The following KPNA3 variants were observed in gnomAD, a reference collection of about 807,000 sequenced individuals.
KPNA3 encodes karyopherin subunit alpha 3, also known as importin subunit alpha-4.
KPNA3 carries 13 observed loss-of-function variants against 73.8 expected under a neutral mutation model. The ratio of observed to expected loss-of-function variants is 0.18; its 90% CI spans 0.11 to 0.28. The LOEUF is 0.28. Among genes scored for constraint, KPNA3 ranks in the 10% least tolerant of loss-of-function variants. The pLI is 1.00. For synonymous variants in KPNA3, 186 were observed against 206.9 expected, an observed-to-expected ratio of 0.90 and a Z score of 0.87; for missense variants, 360 against 618.1, an observed-to-expected ratio of 0.58 and a Z score of 4.43.
chr13:49,792,020 G>A (rs1254763735), intron 1 of KPNA3, among the ~76,000 whole-genome samples: 2 of 152,188 alleles, frequency 1.3e-5, no homozygotes, highest in Non-Finnish European at 2.9e-5. Flanking sequence ...GAGGCGCAGA[G>A]GGGGCTGCAC....
rs774834568 is a variant in KPNA3 at position 49,722,145 on chromosome 13, T to G, written c.557-21A>C. The G allele has an allele frequency of 8.8e-6, 13 of 1,476,656 alleles. No individual in the cohort carries two copies. In the East Asian group the frequency reaches 2.9e-4, roughly 33 times the overall value. The allele number at this position is 1,476,656 out of a possible 1,614,324, so 91.5% of individuals were successfully genotyped here. The stretch of plus-strand genomic sequence containing the variant: ...ATCACCTACAGAAATGAAAATTATA[T>G]TTAAAAAAAACTTACATTCAGGATG... On this transcript the variant is annotated intron_variant, in intron 8 of 16. Transcript: ENST00000261667.
intron 1 of KPNA3, among the ~76,000 whole-genome samples, chr13:49,769,909 ATTTG>A (rs1389743337): frequency 1.3e-5 from 2 of 152,130 alleles, no homozygotes; most frequent in South Asian, 2.1e-4. Context: ...CAATGCTATT[ATTTG>A]TTTGATTTTA....
intron 1 of KPNA3, among the ~76,000 whole-genome samples, chr13:49,789,541 T>C (rs9562927): frequency 0.86 from 130,350 of 152,140 alleles, 56,044 homozygotes; most frequent in East Asian, 1. Context: ...CATGTTTTAG[T>C]TTTTGTCTAT....
At position 49,792,479 on chromosome 13, in the gene KPNA3, G is replaced by C. The variant is rs1955043066; in HGVS notation, c.28C>G (p.His10Asp). Reference protein sequence around the residue: MAENPSLENHRIKSFKNKGR... With the variant: MAENPSLENDRIKSFKNKGR... Reference sequence around the variant, plus strand: ...TTGTTCTTGAAGCTCTTGATGCGGTGGTTCTCCAAGCTGGGGTTCTCGGCC... The same window carrying C: ...TTGTTCTTGAAGCTCTTGATGCGGTCGTTCTCCAAGCTGGGGTTCTCGGCC... The change falls in exon 1 of 17, where the codon CAC becomes GAC. Residue 10 changes from histidine (H) to aspartate (D), a missense_variant. Coordinates refer to ENST00000261667, the MANE Select transcript of KPNA3 (RefSeq NM_002267.4). 1 of 1,583,654 alleles carries C rather than the reference G, an allele frequency of 6.3e-7. No individual in the cohort carries two copies.
rs113138621 is a variant in KPNA3, at chr13:49,733,967, G to T, written c.115-921C>A. 5.9e-5 allele frequency among the ~76,000 whole-genome samples: 9 copies of T among 152,300 alleles called. 1 individual carries two copies. The highest frequency in any genetic ancestry group is 2.2e-4 in the African/African-American group (9 of 41,566). ...TGGCCTGTGCCAGAAAACCCACTCT[G>T]CCAACCCACAAAATTGTTAGCTCAA... On this transcript the variant is annotated intron_variant, in intron 2 of 16. Transcript: ENST00000261667.
At chr13:49,764,066 CAAAAA>C (rs11301654) in intron 1 of KPNA3, among the ~76,000 whole-genome samples, 1 of 79,956 alleles carries the variant, frequency 1.3e-5, no homozygotes, top group Admixed American at 1.4e-4. Context: ...GACCCTGTCT[CAAAAA>C]AAAAAAAAAA....
At chr13:49,762,812 T>C (rs1405382600) in intron 1 of KPNA3, among the ~76,000 whole-genome samples, 5 of 151,560 alleles carry the variant, frequency 3.3e-5, no homozygotes, top group African/African-American at 1.2e-4. Flanking sequence ...ACTATTGTCC[T>C]ATGACCCTGC....
chr13:49,724,536 T>C (rs1042719260), intron 7 of KPNA3, among the ~76,000 whole-genome samples: 4 of 152,188 alleles, frequency 2.6e-5, no homozygotes, highest in African/African-American at 9.7e-5. Context: ...CTTGATCTCC[T>C]GACCTCGTGA....
chr13:49,774,025 C>T (rs1954876272), intron 1 of KPNA3, among the ~76,000 whole-genome samples: 1 of 152,044 alleles, frequency 6.6e-6, no homozygotes, highest in Non-Finnish European at 1.5e-5. Context: ...CCCACCTCAA[C>T]CTCCCAAGTA....
At chr13:49,727,826 A>G (rs1954424498) in intron 6 of KPNA3, among the ~76,000 whole-genome samples, 1 of 152,198 alleles carries the variant, frequency 6.6e-6, no homozygotes, top group South Asian at 2.1e-4. Flanking sequence ...AACAAACATC[A>G]AATTTATGGT....
intron 12 of KPNA3, among the ~76,000 whole-genome samples, chr13:49,708,710 T>C (rs574312646): frequency 5.3e-5 from 8 of 152,326 alleles, no homozygotes; most frequent in African/African-American, 1.9e-4. Flanking sequence ...AAGAATAAAG[T>C]TCTGACACAT....
At position 49,712,487 on chromosome 13, in the gene KPNA3, T is replaced by C. The variant is rs530815473; in HGVS notation, c.772-1465A>G. On this transcript the variant is annotated intron_variant, in intron 10 of 16. Coordinates refer to ENST00000261667, the MANE Select transcript of KPNA3 (RefSeq NM_002267.4). Reference sequence around the variant, plus strand: ...ATACATCAATAGAAATCATCCAAACTGAATAACAGAAAAAAAAAAAGATTA... The same window carrying C: ...ATACATCAATAGAAATCATCCAAACCGAATAACAGAAAAAAAAAAAGATTA... Among the ~76,000 whole-genome samples the C allele has an allele frequency of 3.6e-4, 53 of 146,024 alleles. 1 individual carries two copies. Among genetic ancestry groups the C allele is most frequent in the African/African-American group, 1.3e-3 (51 of 38,926 alleles).
At chr13:49,777,464 C>A (rs1273718742) in intron 1 of KPNA3, among the ~76,000 whole-genome samples, 8 of 152,052 alleles carry the variant, frequency 5.3e-5, no homozygotes, top group African/African-American at 1.9e-4. Context: ...CTTATAATAC[C>A]TAATATTATA....
chr13:49,715,404 A>G (rs1182255122), intron 10 of KPNA3, among the ~76,000 whole-genome samples: 2 of 152,216 alleles, frequency 1.3e-5, no homozygotes, highest in Admixed American at 1.3e-4. Context: ...AACAAATGAA[A>G]TAATGTTCAA....
chr13:49,732,791 A>G lies in KPNA3; in HGVS notation c.205-15T>C. ...GTTACATTTTGCTTAAAAAGAAAAA[A>G]AAAATAGTTCAGCAGAGTTTATTAA... On this transcript the variant is annotated splice_polypyrimidine_tract_variant and intron_variant, in intron 3 of 16. Transcript: ENST00000261667. The G allele has an allele frequency of 6.5e-7, 1 of 1,549,176 alleles. No homozygotes were observed. Among genetic ancestry groups the G allele is most frequent in the Non-Finnish European group, 8.8e-7 (1 of 1,132,412 alleles).
rs897841014 is a variant in KPNA3, at chr13:49,751,473, C to T, written c.70-4480G>A. 9.9e-5 allele frequency among the ~76,000 whole-genome samples: 15 copies of T among 152,146 alleles called. No individual in the cohort carries two copies. In the Middle Eastern group the frequency reaches 0.017, roughly 173 times the overall value. On this transcript the variant is annotated intron_variant, in intron 1 of 16. Coordinates refer to ENST00000261667, the MANE Select transcript of KPNA3 (RefSeq NM_002267.4). ...CTGAATCAATTTTCCACAATGCAGC[C>T]GGGGGGGTTCTTTTTAAAATGCAAA...
In KPNA3 at chr13:49,700,206, AC is replaced by A. The variant is rs1369476661; in HGVS notation, c.*1593del. The A allele has an allele frequency of 1.3e-5, 2 of 152,608 alleles. No homozygotes were observed. Among genetic ancestry groups the A allele is most frequent in the African/African-American group, 4.8e-5 (2 of 41,444 alleles). 9.5% of individuals were successfully genotyped at this position (152,608 alleles called of 1,614,324 possible). ...ATACATATATTTGTAATGAATGCACACCTGCTATGTGTTGTTTATCAGTGAA... is the reference window on the plus strand; with the variant it reads ...ATACATATATTTGTAATGAATGCACACTGCTATGTGTTGTTTATCAGTGAA... On this transcript the variant is annotated 3_prime_UTR_variant, in exon 17 of 17. Transcript: ENST00000261667.
intron 1 of KPNA3, among the ~76,000 whole-genome samples, chr13:49,775,162 C>CAAAAAAAAAAAAAAAAAA (rs60494803): frequency 1.1e-5 from 1 of 93,062 alleles, no homozygotes; most frequent in African/African-American, 4.9e-5. Context: ...GACTCTGTCT[C>CAAAAAAAAAAAAAAAAAA]AAAAAAAAAA....
intron 1 of KPNA3, among the ~76,000 whole-genome samples, chr13:49,788,460 C>T (rs1955002542): frequency 6.6e-6 from 1 of 152,096 alleles, no homozygotes. Context: ...TGACTCATGC[C>T]CCTAATCCCA....
Sources: allele counts gnomAD v4.1 joint callset (sites outside exome capture counted in the v4.1 genomes callset), GRCh38; gene constraint gnomAD v4.1.1; transcripts MANE v1.5; gene names NCBI Gene and HGNC (gene_info 2026-07-23, HGNC 2026-07-21).